The following WNT5A variants were observed in gnomAD, a reference collection of about 807,000 sequenced individuals.
WNT5A encodes the protein protein Wnt-5a.
Under a neutral mutation model 42.1 loss-of-function variants are expected in WNT5A, and 9 were observed. That is an observed-to-expected ratio of 0.21 (90% confidence interval 0.13 to 0.37). The LOEUF is 0.37. Among genes scored for constraint, WNT5A ranks in the 10% least tolerant of loss-of-function variants. The pLI is 1.00. For missense variants in WNT5A, 426 were observed against 534.0 expected (o/e 0.80, Z 1.99); for synonymous variants, 210 against 210.0 (o/e 1.00, Z 0.00).
At chr3:55,482,037 C>T (rs987517385) in intron 1 of WNT5A, among the ~76,000 whole-genome samples, 2 of 152,246 alleles carry the variant, frequency 1.3e-5, no homozygotes, top group South Asian at 4.1e-4. Context: ...GGAACTCTGC[C>T]ACCCTGCCTC....
At chr3:55,504,148 T>C in the WNT5A span, among the ~76,000 whole-genome samples, 3 of 151,804 alleles carry the variant, frequency 2.0e-5, no homozygotes, top group African/African-American at 7.3e-5. Flanking sequence ...GGCACAGGCC[T>C]GTAATCTCAG....
chr3:55,494,214 T>C (rs1200853711), upstream of WNT5A, among the ~76,000 whole-genome samples: 1 of 152,246 alleles, frequency 6.6e-6, no homozygotes, highest in East Asian at 1.9e-4. Context: ...CAATATTATA[T>C]GTCTAAATCT....
upstream of WNT5A, chr3:55,487,921 T>TC (rs771387621): frequency 0.045 from 6,587 of 145,290 alleles, 159 homozygotes; most frequent in South Asian, 0.069. Context: ...AGACGCGGGC[T>TC]CCCCCCCCCC....
chr3:55,471,143 T>C (rs189863488), intron 4 of WNT5A, among the ~76,000 whole-genome samples: 34 of 152,328 alleles, frequency 2.2e-4, no homozygotes, highest in Admixed American at 5.2e-4. Flanking sequence ...AACCCATTAC[T>C]ACTATTATTG....
chr3:55,481,517 CGA>C (rs2051464235), intron 1 of WNT5A: 2 of 491,644 alleles, frequency 4.1e-6, no homozygotes, highest in South Asian at 1.8e-4. Flanking sequence ...GACCAGCGCG[CGA>C]GAGTGCCCAG....
intron 1 of WNT5A, among the ~76,000 whole-genome samples, chr3:55,486,366 G>T (rs761241743): frequency 7.2e-5 from 11 of 152,152 alleles, no homozygotes; most frequent in Non-Finnish European, 1.0e-4. Context: ...GTGCGCGCTG[G>T]CCCCCCGCCA....
upstream of WNT5A, among the ~76,000 whole-genome samples, chr3:55,488,981 A>G (rs2051624839): frequency 6.8e-6 from 1 of 147,658 alleles, no homozygotes; most frequent in African/African-American, 2.6e-5. Context: ...GGGATGCATG[A>G]TTGCTCATCT....
Position 55,467,632 on chromosome 3 carries a change from C to A in WNT5A, c.*2460G>T, listed in dbSNP as rs894171851. ...TATTCTATCTTCCATTTGGCATAAGCCTTTCGATGTTTGTTTTTTAAACCA... is the reference window on the plus strand; with the variant it reads ...TATTCTATCTTCCATTTGGCATAAGACTTTCGATGTTTGTTTTTTAAACCA... On this transcript the variant is annotated 3_prime_UTR_variant, in exon 5 of 5. Transcript: ENST00000264634. The A allele has an allele frequency of 6.6e-6, 1 of 152,540 alleles. No homozygotes were observed. Among genetic ancestry groups the A allele is most frequent in the Non-Finnish European group, 1.5e-5 (1 of 68,024 alleles). The allele number at this position is 152,540 out of a possible 1,614,324, so 9.4% of individuals were successfully genotyped here.
intron 1 of WNT5A, chr3:55,481,375 G>T: frequency 1.0e-6 from 1 of 985,664 alleles, no homozygotes; most frequent in Non-Finnish European, 1.2e-6. Flanking sequence ...CCATGGGCGA[G>T]AGGAGCACGG....
At chr3:55,492,892 C>T (rs560482863), upstream of WNT5A, among the ~76,000 whole-genome samples, 13 of 152,264 alleles carry the variant, frequency 8.5e-5, no homozygotes, top group South Asian at 2.1e-4. Flanking sequence ...TTAGGAGTTG[C>T]GAATCCTGAC....
At chr3:55,495,345 G>A (rs2051704749), upstream of WNT5A, among the ~76,000 whole-genome samples, 3 of 152,106 alleles carry the variant, frequency 2.0e-5, no homozygotes, top group East Asian at 3.9e-4. Flanking sequence ...CTTAGACCTC[G>A]TCCCTCTCCC....
chr3:55,504,741 G>A, the WNT5A span, among the ~76,000 whole-genome samples: 2 of 152,218 alleles, frequency 1.3e-5, no homozygotes, highest in Admixed American at 1.3e-4. Flanking sequence ...TGGGATTACA[G>A]GCGTAAGCCA....
At chr3:55,493,080 C>A (rs550977876), upstream of WNT5A, among the ~76,000 whole-genome samples, 1 of 152,316 alleles carries the variant, frequency 6.6e-6, no homozygotes, top group Admixed American at 6.5e-5. Context: ...CGACACCATC[C>A]ATACTCAGCA....
At chr3:55,487,804 T>C (rs2051604784), upstream of WNT5A, 1 of 152,248 alleles carries the variant, frequency 6.6e-6, no homozygotes, top group Non-Finnish European at 1.5e-5. Flanking sequence ...CCCCAAATTG[T>C]GTCCTTTCAT....
At chr3:55,497,199 T>G in the WNT5A span, among the ~76,000 whole-genome samples, 1 of 152,234 alleles carries the variant, frequency 6.6e-6, no homozygotes, top group Non-Finnish European at 1.5e-5. Flanking sequence ...CTAAATATGT[T>G]TGTAAACATA....
chr3:55,495,471 C>G (rs949771240), upstream of WNT5A, among the ~76,000 whole-genome samples: 2 of 152,202 alleles, frequency 1.3e-5, no homozygotes, highest in Admixed American at 1.3e-4. Flanking sequence ...TTTTACTTAG[C>G]ATAATCTCCT....
chr3:55,488,496 A>AG (rs5849100), upstream of WNT5A, among the ~76,000 whole-genome samples: 205 of 145,258 alleles, frequency 1.4e-3, no homozygotes, highest in Middle Eastern at 3.7e-3. Context: ...GAGAGAGGGA[A>AG]GGGGGGGGAA....
At chr3:55,495,594 A>G in the WNT5A span, among the ~76,000 whole-genome samples, 1 of 152,196 alleles carries the variant, frequency 6.6e-6, no homozygotes, top group African/African-American at 2.4e-5. Context: ...ATTGATGAAC[A>G]CTTAAGTTGA....
the WNT5A span, among the ~76,000 whole-genome samples, chr3:55,496,139 C>T: frequency 7.9e-6 from 1 of 126,542 alleles, no homozygotes; most frequent in Admixed American, 7.5e-5. Flanking sequence ...AATTAAATCC[C>T]AAGTCCTTTT....
Sources: allele counts gnomAD v4.1 joint callset (sites outside exome capture counted in the v4.1 genomes callset), GRCh38; gene constraint gnomAD v4.1.1; transcripts MANE v1.5; gene names NCBI Gene and HGNC (gene_info 2026-07-23, HGNC 2026-07-21).